The following DAP3 variants were observed in gnomAD, a reference collection of about 807,000 sequenced individuals.
DAP3 encodes small ribosomal subunit protein mS29.
A neutral mutation model predicts 51.9 loss-of-function variants in DAP3; 28 were observed. The observed-to-expected ratio is 0.54, with a 90% CI of 0.40 to 0.74. DAP3 has a LOEUF of 0.74. Among genes scored for constraint, DAP3 ranks in the 30% least tolerant of loss-of-function variants. DAP3 has a pLI of 0.00. For synonymous variants in DAP3, 170 were observed against 170.3 expected (o/e 1.00, Z 0.01); for missense variants, 458 against 483.5 (o/e 0.95, Z 0.49).
At chr1:155,697,008 T>C (rs1654606830) in intron 1 of DAP3, among the ~76,000 whole-genome samples, 1 of 152,214 alleles carries the variant, frequency 6.6e-6, no homozygotes, top group Non-Finnish European at 1.5e-5. Context: ...GCATGCACCA[T>C]CTACCATACT....
chr1:155,728,878 A>T (rs1411479371), intron 7 of DAP3, among the ~76,000 whole-genome samples, 164 bp from the exon 8 acceptor site: 2 of 151,722 alleles, frequency 1.3e-5, no homozygotes, highest in African/African-American at 4.8e-5. Context: ...AAAAAAAGAA[A>T]GAAAAGAAAG....
At chr1:155,722,647 A>T (rs1224823257) in intron 4 of DAP3, among the ~76,000 whole-genome samples, 1 of 151,628 alleles carries the variant, frequency 6.6e-6, no homozygotes, top group Non-Finnish European at 1.5e-5. Flanking sequence ...GCTGCTGCTC[A>T]CTCAAAAAAA....
At chr1:155,688,958 G>A (rs751537839), upstream of DAP3, 3 of 1,611,174 alleles carry the variant, frequency 1.9e-6, no homozygotes, top group South Asian at 1.1e-5. Flanking sequence ...GCGGCGCTGC[G>A]GCTCGCCTCC....
chr1:155,707,104 A>C (rs972839643), intron 1 of DAP3, among the ~76,000 whole-genome samples: 1 of 129,942 alleles, frequency 7.7e-6, no homozygotes, highest in Non-Finnish European at 1.7e-5. Context: ...AAAAACCAAA[A>C]CAAAACAAAC....
intron 6 of DAP3, 114 bp from the exon 7 acceptor site, chr1:155,727,494 A>AAT (rs1214360336): frequency 8.5e-7 from 1 of 1,176,034 alleles, no homozygotes; most frequent in Non-Finnish European, 1.1e-6. Flanking sequence ...AAAGAAAAGA[A>AAT]ATATATATAT....
chr1:155,735,162 T>C (rs1659638949), intron 11 of DAP3, among the ~76,000 whole-genome samples: 1 of 149,184 alleles, frequency 6.7e-6, no homozygotes, highest in South Asian at 2.1e-4. Flanking sequence ...GCGCCTATAG[T>C]CCCAGATACT....
chr1:155,700,648 T>G, intron 1 of DAP3, among the ~76,000 whole-genome samples: 1 of 123,446 alleles, frequency 8.1e-6, no homozygotes, highest in Non-Finnish European at 1.7e-5. Flanking sequence ...TACTGGGAAG[T>G]GAGGAGCCCC....
At chr1:155,728,332 C>CA (rs989355340) in intron 7 of DAP3, among the ~76,000 whole-genome samples, 2 of 152,146 alleles carry the variant, frequency 1.3e-5, no homozygotes, top group African/African-American at 2.4e-5. Context: ...GAGGCCAAGG[C>CA]AGGCAGATCA....
intron 4 of DAP3, among the ~76,000 whole-genome samples, chr1:155,724,280 C>G (rs544794291): frequency 6.6e-6 from 1 of 152,200 alleles, no homozygotes; most frequent in Non-Finnish European, 1.5e-5. Flanking sequence ...CTGGTCACAC[C>G]TGCTCCTGAG....
chr1:155,729,486 T>C, intron 9 of DAP3, 120 bp downstream of exon 9: 1 of 1,352,306 alleles, frequency 7.4e-7, no homozygotes, highest in Non-Finnish European at 1.0e-6. Context: ...TATTTGAAGA[T>C]AAACAGTAAA....
intron 12 of DAP3, among the ~76,000 whole-genome samples, chr1:155,737,280 TAAA>T (rs1383100527): frequency 6.6e-6 from 1 of 152,202 alleles, no homozygotes; most frequent in African/African-American, 2.4e-5. Flanking sequence ...TTTTCCATGA[TAAA>T]GAAGGGAACA....
At chr1:155,719,007 C>T (rs1045934454) in intron 3 of DAP3, among the ~76,000 whole-genome samples, 9 of 152,120 alleles carry the variant, frequency 5.9e-5, no homozygotes, top group African/African-American at 1.2e-4. Flanking sequence ...CCTACATCTA[C>T]GGTTTACTTT....
chr1:155,729,137 A>C lies in DAP3; in HGVS notation c.684+15A>C. ...TGGTTGAACAGGTATAAGAAAAAAC[A>C]CTGAATGTGTAACATGCGATAACAA... On this transcript the variant is annotated intron_variant, in intron 8 of 12. Transcript: ENST00000368336. The C allele has an allele frequency of 6.2e-7, 1 of 1,614,196 alleles. No homozygotes were observed. The highest frequency in any genetic ancestry group is 8.5e-7 in the Non-Finnish European group (1 of 1,180,036).
At chr1:155,710,117 A>G (rs1350920032) in intron 2 of DAP3, 1 of 288,706 alleles carries the variant, frequency 3.5e-6, no homozygotes, top group Non-Finnish European at 6.3e-6. Flanking sequence ...ACAAGTTGCC[A>G]ATTTACAGCT....
upstream of DAP3, chr1:155,688,573 G>A: frequency 6.5e-7 from 1 of 1,537,428 alleles, no homozygotes; most frequent in Non-Finnish European, 8.7e-7. Flanking sequence ...TCCCGTACGC[G>A]CTCACCCACG....
In DAP3 at chr1:155,709,752, CTTTT is replaced by C; in HGVS notation, c.-7-11_-7-8del. On this transcript the variant is annotated splice_polypyrimidine_tract_variant and intron_variant, in intron 1 of 12. Coordinates refer to ENST00000368336, the MANE Select transcript of DAP3 (RefSeq NM_004632.4). ...TTCCCATTTGTGGTTTACCTTTTCA[CTTTT>C]TTTTTTTTTGTAACAGTGCAAGGAT... 3 of 1,331,308 alleles carry C rather than the reference CTTTT, an allele frequency of 2.3e-6. No homozygotes were observed. The highest frequency in any genetic ancestry group is 1.3e-5 in the South Asian group (1 of 75,752). 82.5% of individuals were successfully genotyped at this position (1,331,308 alleles called of 1,614,324 possible).
chr1:155,725,037 A>G (rs931842494), intron 4 of DAP3, among the ~76,000 whole-genome samples: 4 of 152,096 alleles, frequency 2.6e-5, no homozygotes, highest in African/African-American at 7.2e-5. Flanking sequence ...GCATTTTTCT[A>G]TATGCTTTCC....
chr1:155,731,316 G>A, intron 9 of DAP3, 40 bp from the exon 10 acceptor site: 2 of 1,585,102 alleles, frequency 1.3e-6, no homozygotes, highest in South Asian at 2.2e-5. Context: ...TCTAGGAAAG[G>A]CACGTGATGA....
chr1:155,707,607 T>C lies in DAP3; in HGVS notation c.-7-2166T>C, dbSNP rs367747182. On this transcript the variant is annotated intron_variant, in intron 1 of 12. Transcript: ENST00000368336. ...GAATATAATACACATGATATGAAAA[T>C]AATAAATTCTCATGTATCCATTATC... is the stretch of plus-strand genomic sequence containing the variant. Among the ~76,000 whole-genome samples the C allele has an allele frequency of 2.0e-5, 3 of 152,230 alleles. No homozygotes were observed. In the South Asian group the frequency reaches 6.2e-4, roughly 32 times the overall value.
Sources: gnomAD v4.1 joint callset for allele counts (sites outside exome capture counted in the v4.1 genomes callset) on GRCh38, gnomAD v4.1.1 for gene constraint, MANE v1.5 for transcripts, NCBI Gene and HGNC (gene_info 2026-07-23, HGNC 2026-07-21) for gene names.